The following C20orf203 variants were observed in gnomAD, a reference collection of about 807,000 sequenced individuals.
The protein encoded by C20orf203 is chromosome 20 open reading frame 203.
In C20orf203, 16 loss-of-function variants were observed where a neutral mutation model predicts 15.9. The ratio of observed to expected loss-of-function variants is 1.01; its 90% CI spans 0.68 to 1.53. C20orf203 has a LOEUF of 1.53. Ranked by LOEUF, C20orf203 falls within the 40% of genes most tolerant of loss-of-function variation. C20orf203 has a pLI of 0.00. For missense variants in C20orf203, 263 were observed against 247.5 expected, an observed-to-expected ratio of 1.06 and a Z score of -0.42; for synonymous variants, 98 against 97.2, an observed-to-expected ratio of 1.01 and a Z score of -0.05.
chr20:32,643,562 T>C (rs1982339860), intron 4 of C20orf203, among the ~76,000 whole-genome samples: 1 of 149,630 alleles, frequency 6.7e-6, no homozygotes, highest in African/African-American at 2.5e-5. Context: ...TCTAGGAAAA[T>C]AAAAAAGGGC....
chr20:32,638,253 C>A (rs1017357078), intron 5 of C20orf203, among the ~76,000 whole-genome samples: 1 of 152,226 alleles, frequency 6.6e-6, no homozygotes, highest in Non-Finnish European at 1.5e-5. Flanking sequence ...GTCCCAAGCA[C>A]TGTTCTGTGT....
intron 4 of C20orf203, among the ~76,000 whole-genome samples, chr20:32,643,910 C>G (rs2145665215): frequency 6.6e-6 from 1 of 152,242 alleles, no homozygotes; most frequent in Non-Finnish European, 1.5e-5. Flanking sequence ...TTTTTAAAAC[C>G]CTTTCACACT....
chr20:32,664,589 G>A (rs1982973939), intron 1 of C20orf203, among the ~76,000 whole-genome samples: 1 of 152,200 alleles, frequency 6.6e-6, no homozygotes, highest in Non-Finnish European at 1.5e-5. Flanking sequence ...CAGAGCTGGT[G>A]GTATCTCCCC....
At chr20:32,660,458 G>A (rs1982865564) in intron 1 of C20orf203, among the ~76,000 whole-genome samples, 1 of 152,206 alleles carries the variant, frequency 6.6e-6, no homozygotes, top group African/African-American at 2.4e-5. Context: ...ACCTTCGAGA[G>A]GCCACGCTGC....
chr20:32,634,365 G>C (rs1397652770), intron 5 of C20orf203, 95 bp from the exon 6 acceptor site: 3 of 396,714 alleles, frequency 7.6e-6, no homozygotes, highest in African/African-American at 2.1e-5. Flanking sequence ...GACAGCGTGA[G>C]ACATTCAAGA....
At chr20:32,672,953 G>C (rs1175816278) in intron 1 of C20orf203, among the ~76,000 whole-genome samples, 6 of 152,288 alleles carry the variant, frequency 3.9e-5, no homozygotes, top group Non-Finnish European at 2.9e-5. Context: ...GAAGGCACTA[G>C]ACTCGGGCTT....
At chr20:32,666,010 G>A (rs1653163822) in intron 1 of C20orf203, among the ~76,000 whole-genome samples, 1 of 151,728 alleles carries the variant, frequency 6.6e-6, no homozygotes, top group African/African-American at 2.4e-5. Flanking sequence ...GCGCATGCCT[G>A]TAGTCCCAGC....
At chr20:32,653,287 C>T (rs1317370323) in intron 1 of C20orf203, among the ~76,000 whole-genome samples, 1 of 152,200 alleles carries the variant, frequency 6.6e-6, no homozygotes. Flanking sequence ...AATACAAGAA[C>T]AGAACCCAGA....
chr20:32,651,168 TA>T lies in C20orf203; in HGVS notation c.-14-3del, dbSNP rs11313159. The T allele has an allele frequency of 0.27, 80,534 of 295,338 alleles. 3,455 individuals are homozygous for T. The highest frequency in any genetic ancestry group is 0.29 in the Non-Finnish European group (52,556 of 179,946). The allele number at this position is 295,338 out of a possible 1,614,324, so 18.3% of individuals were successfully genotyped here. A position where few individuals can be genotyped will look rare whatever the true frequency, so the allele number is the denominator to read the frequency against. On this transcript the variant is annotated splice_polypyrimidine_tract_variant and splice_region_variant and intron_variant, in intron 2 of 5. Transcript: ENST00000608990. The stretch of plus-strand genomic sequence containing the variant: ...TAGGAAACATAGGAGACCCTCTCTC[TA>T]AAAAAAAAAAAAAAAAAAAAAAAAT...
intron 1 of C20orf203, among the ~76,000 whole-genome samples, chr20:32,659,399 A>G (rs1029382361): frequency 1.3e-5 from 2 of 152,038 alleles, no homozygotes; most frequent in Non-Finnish European, 2.9e-5. Flanking sequence ...TCGCAGCTCA[A>G]TGAACACTCT....
chr20:32,659,077 A>T (rs767922819), intron 1 of C20orf203, among the ~76,000 whole-genome samples: 10 of 151,842 alleles, frequency 6.6e-5, no homozygotes, highest in Non-Finnish European at 1.3e-4. Context: ...GGGTTTCTCC[A>T]TGTTGGTCAG....
At chr20:32,637,187 T>C (rs7352147) in intron 5 of C20orf203, among the ~76,000 whole-genome samples, 1 of 152,168 alleles carries the variant, frequency 6.6e-6, no homozygotes, top group African/African-American at 2.4e-5. Context: ...GCAAGGCAAG[T>C]GGATCTCCTG....
chr20:32,662,408 C>T (rs1266905298), intron 1 of C20orf203, among the ~76,000 whole-genome samples: 1 of 152,116 alleles, frequency 6.6e-6, no homozygotes, highest in Non-Finnish European at 1.5e-5. Context: ...TCAAGACCAG[C>T]TTGGCCAACA....
rs532263498 is a variant in C20orf203, at chr20:32,668,392, G to A, written c.-264+5240C>T. On this transcript the variant is annotated intron_variant, in intron 1 of 5. Transcript: ENST00000608990. The stretch of plus-strand genomic sequence containing the variant: ...TGTAATCTCAGCATTTTGGGAGGCC[G>A]AGGCGGGTGGATCATTTGAGGTCAG... Among the ~76,000 whole-genome samples, 65 of 152,200 alleles carry A rather than the reference G, an allele frequency of 4.3e-4. 1 individual carries two copies. In the South Asian group the frequency reaches 0.012, roughly 28 times the overall value.
chr20:32,643,153 G>A (rs1982330030), intron 4 of C20orf203, among the ~76,000 whole-genome samples: 1 of 152,210 alleles, frequency 6.6e-6, no homozygotes, highest in South Asian at 2.1e-4. Flanking sequence ...AAGAACCTGT[G>A]TGGTAAAGAC....
intron 1 of C20orf203, among the ~76,000 whole-genome samples, chr20:32,666,559 C>A (rs946783574): frequency 1.3e-5 from 2 of 150,586 alleles, no homozygotes; most frequent in Admixed American, 6.6e-5. Flanking sequence ...GTCAGGAGAT[C>A]GAGACCATCC....
At chr20:32,648,681 T>C (rs982208558) in intron 4 of C20orf203, among the ~76,000 whole-genome samples, 5 of 151,252 alleles carry the variant, frequency 3.3e-5, no homozygotes, top group African/African-American at 1.2e-4. Context: ...CTTGATCTCC[T>C]GACCTCGTGA....
chr20:32,637,968 G>T (rs1982183681), intron 5 of C20orf203, among the ~76,000 whole-genome samples: 1 of 151,228 alleles, frequency 6.6e-6, no homozygotes, highest in Admixed American at 6.6e-5. Flanking sequence ...GCGCCCATGT[G>T]TCTGTGCGTG....
intron 1 of C20orf203, among the ~76,000 whole-genome samples, chr20:32,660,302 A>G (rs897791330): frequency 6.6e-6 from 1 of 152,178 alleles, no homozygotes; most frequent in Non-Finnish European, 1.5e-5. Context: ...AGGACACTGA[A>G]TGACAGAGCC....
Sources: gnomAD v4.1 joint callset for allele counts (sites outside exome capture counted in the v4.1 genomes callset) on GRCh38, gnomAD v4.1.1 for gene constraint, MANE v1.5 for transcripts, NCBI Gene and HGNC (gene_info 2026-07-23, HGNC 2026-07-21) for gene names.